Variants in TULP3 observed in about 807,000 individuals in gnomAD.
The protein encoded by TULP3 is tubby-related protein 3.
A neutral mutation model predicts 50.7 loss-of-function variants in TULP3; 38 were observed. That is an observed-to-expected ratio of 0.75 (90% CI 0.58 to 0.98). TULP3 has a LOEUF of 0.98. Ranked by LOEUF, TULP3 falls within the 50% of genes least tolerant of loss-of-function variation. The pLI, the probability that TULP3 is intolerant of heterozygous loss-of-function variation, is 0.00. For missense variants in TULP3, 550 were observed against 568.0 expected (o/e 0.97, Z 0.32); for synonymous variants, 183 against 196.6 (o/e 0.93, Z 0.58).
chr12:2,907,998 A>G lies in TULP3; in HGVS notation c.42-1531A>G, dbSNP rs60693456. 2.7e-3 allele frequency among the ~76,000 whole-genome samples: 414 copies of G among 152,276 alleles called. 3 individuals carry two copies. The highest frequency in any genetic ancestry group is 9.4e-3 in the African/African-American group (392 of 41,564). On this transcript the variant is annotated intron_variant, in intron 1 of 10. Coordinates refer to ENST00000448120, the MANE Select transcript of TULP3 (RefSeq NM_003324.5). ...GAGTGAATTAATAGAGAGGCATGTC[A>G]GAAAATCACAAAGCACCTGCACGTC...
intron 1 of TULP3, among the ~76,000 whole-genome samples, chr12:2,891,318 C>T (rs1007260238): frequency 5.9e-5 from 9 of 152,170 alleles, no homozygotes; most frequent in African/African-American, 2.2e-4. Flanking sequence ...GCGCTGGCCC[C>T]GCTCAGCTCC....
Position 2,934,428 on chromosome 12 carries a change from C to T in TULP3, c.810-19C>T. ...AAAAAAATACAGATCATCATGGTGACTTTTTCTCCTGACTCCAGATCCAAC... is the reference window on the plus strand; with the variant it reads ...AAAAAAATACAGATCATCATGGTGATTTTTTCTCCTGACTCCAGATCCAAC... On this transcript the variant is annotated intron_variant, in intron 7 of 10. Transcript: ENST00000448120. 1 of 1,512,488 alleles carries T rather than the reference C, an allele frequency of 6.6e-7. No homozygotes were observed. Among genetic ancestry groups the T allele is most frequent in the South Asian group, 1.3e-5 (1 of 78,854 alleles). The allele number at this position is 1,512,488 out of a possible 1,614,324, so 93.7% of individuals were successfully genotyped here. A position where few individuals can be genotyped will look rare whatever the true frequency, so the allele number is the denominator to read the frequency against.
chr12:2,916,114 A>G (rs142222107), intron 2 of TULP3, among the ~76,000 whole-genome samples: 2,003 of 152,248 alleles, frequency 0.013, 40 homozygotes, highest in African/African-American at 0.045. Flanking sequence ...GGTTCAAGCA[A>G]TTCTCCTGCC....
Position 2,939,597 on chromosome 12 carries a change from A to G in TULP3, c.*153A>G, listed in dbSNP as rs558039905. 10 of 1,225,370 alleles carry G rather than the reference A, an allele frequency of 8.2e-6. No homozygotes were observed. In the South Asian group the frequency reaches 1.3e-4, roughly 16 times the overall value. The allele number at this position is 1,225,370 out of a possible 1,614,324, so 75.9% of individuals were successfully genotyped here. On this transcript the variant is annotated 3_prime_UTR_variant, in exon 11 of 11. Coordinates refer to ENST00000448120, the MANE Select transcript of TULP3 (RefSeq NM_003324.5). The surrounding 1 kb of genome is among the most constrained non-coding windows in gnomAD (Gnocchi z 4.0). ...ATATAAAACACACACACAAAGAGCA[A>G]TAGTTTGCCCCTTTTGGAACGACCC...
chr12:2,919,240 C>A (rs955153194), intron 2 of TULP3, among the ~76,000 whole-genome samples: 1 of 152,134 alleles, frequency 6.6e-6, no homozygotes, highest in Non-Finnish European at 1.5e-5. Flanking sequence ...GTCATTATAG[C>A]CTCCTGTGTA....
rs1204112039 is a variant in TULP3 at position 2,939,980 on chromosome 12, G to A, written c.*536G>A. ...CTTGGAAACTTGCAGTAGAATCAGGGACTGACATCGCAGTTCCTCTCCTCT... is the reference window on the plus strand; with the variant it reads ...CTTGGAAACTTGCAGTAGAATCAGGAACTGACATCGCAGTTCCTCTCCTCT... On this transcript the variant is annotated 3_prime_UTR_variant, in exon 11 of 11. Transcript: ENST00000448120. This position sits in a 1 kb window ranked among gnomAD's most constrained non-coding sequence, Gnocchi z 4.0. The A allele has an allele frequency of 3.1e-6, 4 of 1,279,420 alleles. No homozygotes were observed. In the Admixed American group the frequency reaches 6.9e-5, roughly 22 times the overall value. The allele number at this position is 1,279,420 out of a possible 1,614,324, so 79.3% of individuals were successfully genotyped here. A position where few individuals can be genotyped will look rare whatever the true frequency, so the allele number is the denominator to read the frequency against.
chr12:2,912,312 A>G (rs1168414763), intron 2 of TULP3, among the ~76,000 whole-genome samples: 1 of 152,222 alleles, frequency 6.6e-6, no homozygotes, highest in Non-Finnish European at 1.5e-5. Context: ...TAGAGCCAAG[A>G]TGGAGGCATA....
At chr12:2,929,089 C>T (rs946520945) in intron 4 of TULP3, among the ~76,000 whole-genome samples, 8 of 150,768 alleles carry the variant, frequency 5.3e-5, no homozygotes, top group African/African-American at 1.5e-4. Flanking sequence ...TGGGCCGAGA[C>T]GGGCGGATCA....
chr12:2,918,644 G>T (rs925676179), intron 2 of TULP3, among the ~76,000 whole-genome samples: 2 of 151,992 alleles, frequency 1.3e-5, no homozygotes, highest in Non-Finnish European at 2.9e-5. Flanking sequence ...AGGCTCAAGC[G>T]ATTCTCCCGC....
At chr12:2,929,145 C>T (rs1307837002) in intron 4 of TULP3, among the ~76,000 whole-genome samples, 1 of 151,630 alleles carries the variant, frequency 6.6e-6, no homozygotes, top group Non-Finnish European at 1.5e-5. Flanking sequence ...GGTGAAACCC[C>T]GTCTCTACTA....
chr12:2,935,138 G>T (rs1000690865), intron 8 of TULP3, among the ~76,000 whole-genome samples: 1 of 152,150 alleles, frequency 6.6e-6, no homozygotes, highest in African/African-American at 2.4e-5. Context: ...ACTACCCATT[G>T]TGTGAGATCT....
Position 2,890,897 on chromosome 12 carries a change from G to A in TULP3, c.-51G>A, listed in dbSNP as rs369301787. On this transcript the variant is annotated 5_prime_UTR_variant, in exon 1 of 11. Transcript: ENST00000448120. ...GCGGCGTGCCAGCCTAGCCACTCTA[G>A]CGACGGCGGGGAAGAGTGTGTACGT... 2.6e-6 allele frequency: 4 copies of A among 1,535,218 alleles called. No individual in the cohort carries two copies. The highest frequency in any genetic ancestry group is 1.4e-5 in the African/African-American group (1 of 71,624).
intron 2 of TULP3, among the ~76,000 whole-genome samples, chr12:2,911,634 G>A (rs1298423842): frequency 7.6e-6 from 1 of 131,594 alleles, no homozygotes; most frequent in African/African-American, 2.7e-5. Context: ...CAAAGTGCTG[G>A]GATTACAGGC....
intron 2 of TULP3, among the ~76,000 whole-genome samples, chr12:2,918,793 G>C (rs148330057): frequency 0.012 from 1,775 of 152,024 alleles, 39 homozygotes; most frequent in African/African-American, 0.04. Flanking sequence ...GTCCGCCTCA[G>C]CCTCCCAAAG....
intron 2 of TULP3, among the ~76,000 whole-genome samples, chr12:2,912,885 A>G (rs2153949034): frequency 6.6e-6 from 1 of 152,312 alleles, no homozygotes; most frequent in Non-Finnish European, 1.5e-5. Context: ...TACCCAAGGA[A>G]GGAGATTCGC....
In TULP3 at chr12:2,894,858, C is replaced by T. The variant is rs559975941; in HGVS notation, c.41+3870C>T. Among the ~76,000 whole-genome samples the T allele has an allele frequency of 1.5e-3, 227 of 152,158 alleles. 1 individual carries two copies. The highest frequency in any genetic ancestry group is 5.3e-3 in the African/African-American group (221 of 41,540). On this transcript the variant is annotated intron_variant, in intron 1 of 10. Transcript: ENST00000448120. ...GCGGTGAGCCGAGATCACACCACTG[C>T]ACTCCAGCCTGGGCGACAAGAGCAA...
intron 4 of TULP3, among the ~76,000 whole-genome samples, chr12:2,923,671 AAAAG>A (rs1185241434): frequency 4.6e-5 from 7 of 151,078 alleles, no homozygotes; most frequent in African/African-American, 7.3e-5. Context: ...AAAGAAAAGA[AAAAG>A]AAAGTATGTT....
intron 1 of TULP3, among the ~76,000 whole-genome samples, chr12:2,906,182 C>G (rs1026438275): frequency 4.6e-5 from 7 of 151,130 alleles, no homozygotes; most frequent in East Asian, 2.0e-4. Context: ...AGGTGCCCAC[C>G]ACCATACCCG....
chr12:2,923,876 G>A (rs2098193205), intron 4 of TULP3, among the ~76,000 whole-genome samples: 1 of 150,590 alleles, frequency 6.6e-6, no homozygotes, highest in Non-Finnish European at 1.5e-5. Flanking sequence ...GCTACTTGGG[G>A]GGCTGAGGCA....
Sources: allele counts gnomAD v4.1 joint callset (sites outside exome capture counted in the v4.1 genomes callset), GRCh38; gene constraint gnomAD v4.1.1; non-coding constraint Gnocchi (gnomAD v3.1); transcripts MANE v1.5; gene names NCBI Gene and HGNC (gene_info 2026-07-23, HGNC 2026-07-21).